The following CLSTN2 variants were observed in gnomAD, a reference collection of about 807,000 sequenced individuals.
CLSTN2 encodes the protein calsyntenin-2.
In CLSTN2, 48 loss-of-function variants were observed where a neutral mutation model predicts 101.2. That is an observed-to-expected ratio of 0.47 (90% CI 0.38 to 0.60). The LOEUF (loss-of-function observed/expected upper bound fraction) is 0.60. Ranked by LOEUF, CLSTN2 falls within the 20% of genes least tolerant of loss-of-function variation. The probability of loss-of-function intolerance (pLI) is 0.00; values close to 1 mark genes in which losing one functional copy is unlikely to be tolerated. For synonymous variants in CLSTN2, 481 were observed against 463.6 expected, an observed-to-expected ratio of 1.04 and a Z score of -0.48; for missense variants, 1,160 against 1,238.2, an observed-to-expected ratio of 0.94 and a Z score of 0.95.
intron 1 of CLSTN2, among the ~76,000 whole-genome samples, chr3:140,095,161 G>A (rs1398784647): frequency 7.9e-5 from 12 of 152,068 alleles, no homozygotes; most frequent in African/African-American, 2.7e-4. Flanking sequence ...CCTCAACACC[G>A]TACCAGAGCT....
intron 1 of CLSTN2, among the ~76,000 whole-genome samples, chr3:140,166,860 C>T (rs2010143171): frequency 6.6e-6 from 1 of 152,146 alleles, no homozygotes; most frequent in Admixed American, 6.5e-5. Context: ...GCTCAGCCTC[C>T]AGATGGGATG....
chr3:140,553,747 C>T (rs1272277288), intron 10 of CLSTN2, among the ~76,000 whole-genome samples: 1 of 152,180 alleles, frequency 6.6e-6, no homozygotes, highest in Non-Finnish European at 1.5e-5. Flanking sequence ...AGAATTGCCA[C>T]ACCTCCCTTC....
chr3:140,065,349 G>T (rs1259835651), intron 1 of CLSTN2, among the ~76,000 whole-genome samples: 1 of 152,192 alleles, frequency 6.6e-6, no homozygotes, highest in Non-Finnish European at 1.5e-5. Flanking sequence ...CAGTCATCTA[G>T]GGAGCCCCTT....
At chr3:139,981,392 A>G (rs1441857876) in intron 1 of CLSTN2, among the ~76,000 whole-genome samples, 1 of 152,234 alleles carries the variant, frequency 6.6e-6, no homozygotes, top group East Asian at 1.9e-4. Flanking sequence ...ATAAAATAGT[A>G]TAAGTATTCT....
intron 2 of CLSTN2, among the ~76,000 whole-genome samples, chr3:140,230,211 C>A (rs1411622692): frequency 6.6e-6 from 1 of 152,084 alleles, no homozygotes; most frequent in Non-Finnish European, 1.5e-5. Context: ...ATGTATGGGA[C>A]ATTACATACT....
In CLSTN2 at chr3:140,419,711, A is replaced by ACG. The variant is rs2088476353; in HGVS notation, c.638-1414_638-1413insCG. 6.1e-5 allele frequency among the ~76,000 whole-genome samples: 4 copies of ACG among 65,254 alleles called. 1 individual carries two copies. In the South Asian group the frequency reaches 1.5e-3, roughly 25 times the overall value. 42.8% of individuals were successfully genotyped at this position (65,254 alleles called of 152,430 possible). Reference sequence around the variant, plus strand: ...TATATACGTATATGAATATGTATATATGTATATATACGTATATACATGTAT... The same window carrying ACG: ...TATATACGTATATGAATATGTATATACGTGTATATATACGTATATACATGTAT... On this transcript the variant is annotated intron_variant, in intron 4 of 16. Transcript: ENST00000458420.
intron 2 of CLSTN2, among the ~76,000 whole-genome samples, chr3:140,285,389 T>G (rs1393711912): frequency 6.6e-6 from 1 of 151,508 alleles, no homozygotes; most frequent in Non-Finnish European, 1.5e-5. Flanking sequence ...CTTAAGGGAG[T>G]GTTATGCCCT....
chr3:140,446,069 G>A (rs1933071236), intron 5 of CLSTN2, among the ~76,000 whole-genome samples: 1 of 152,116 alleles, frequency 6.6e-6, no homozygotes. Context: ...GTGGTACAAA[G>A]CATTTTGTAC....
chr3:140,437,555 A>T (rs2088701077), intron 5 of CLSTN2, among the ~76,000 whole-genome samples: 1 of 152,230 alleles, frequency 6.6e-6, no homozygotes, highest in Admixed American at 6.5e-5. Context: ...AAATGCCAAC[A>T]AAGCACTCCA....
chr3:140,467,874 TTGC>T (rs1162092372), intron 8 of CLSTN2, among the ~76,000 whole-genome samples: 2 of 152,136 alleles, frequency 1.3e-5, no homozygotes, highest in Non-Finnish European at 2.9e-5. Flanking sequence ...ATGGAAATGA[TTGC>T]TGCCACCTTT....
At chr3:140,486,877 C>T (rs995370643) in intron 8 of CLSTN2, among the ~76,000 whole-genome samples, 5 of 152,098 alleles carry the variant, frequency 3.3e-5, no homozygotes, top group Non-Finnish European at 4.4e-5. Context: ...ACAGGATTCT[C>T]GAAAGCCTAG....
intron 8 of CLSTN2, among the ~76,000 whole-genome samples, chr3:140,491,878 A>G (rs1412241378): frequency 6.6e-6 from 1 of 152,188 alleles, no homozygotes; most frequent in Non-Finnish European, 1.5e-5. Flanking sequence ...AAGTGACAGA[A>G]GAGGTATGTG....
chr3:140,341,692 G>A (rs1256116892), intron 2 of CLSTN2, among the ~76,000 whole-genome samples: 1 of 152,128 alleles, frequency 6.6e-6, no homozygotes, highest in Non-Finnish European at 1.5e-5. Context: ...GCTGGTAGTG[G>A]GCCCCCGGGG....
chr3:140,272,159 A>G (rs931930257), intron 2 of CLSTN2, among the ~76,000 whole-genome samples: 3 of 152,166 alleles, frequency 2.0e-5, no homozygotes, highest in Non-Finnish European at 2.9e-5. Flanking sequence ...TCGTGTCTAG[A>G]TTCCTAGAAG....
At chr3:139,995,633 A>G (rs920478677) in intron 1 of CLSTN2, among the ~76,000 whole-genome samples, 3 of 152,132 alleles carry the variant, frequency 2.0e-5, no homozygotes, top group Non-Finnish European at 4.4e-5. Context: ...TGTGTGGAAA[A>G]GGAATTTGAA....
intron 2 of CLSTN2, among the ~76,000 whole-genome samples, chr3:140,183,889 T>C (rs2010447996): frequency 6.6e-6 from 1 of 152,250 alleles, no homozygotes; most frequent in South Asian, 2.1e-4. Context: ...AAGAACACAG[T>C]AGTAATGGTG....
intron 1 of CLSTN2, among the ~76,000 whole-genome samples, chr3:140,171,644 A>G (rs1257944272): frequency 1.1e-5 from 1 of 92,866 alleles, no homozygotes; most frequent in Non-Finnish European, 2.0e-5. Context: ...TATATTATAT[A>G]TAATACGTAT....
chr3:140,434,945 G>A (rs2088671634), intron 5 of CLSTN2, among the ~76,000 whole-genome samples: 1 of 152,004 alleles, frequency 6.6e-6, no homozygotes, highest in Admixed American at 6.5e-5. Context: ...TGGGTACATA[G>A]TAGGTGTATA....
At chr3:140,008,714 C>T (rs1382578954) in intron 1 of CLSTN2, among the ~76,000 whole-genome samples, 5 of 152,220 alleles carry the variant, frequency 3.3e-5, no homozygotes, top group African/African-American at 9.6e-5. Context: ...CAGAGTATTA[C>T]AATTTGACTC....
Sources: allele counts gnomAD v4.1 joint callset (sites outside exome capture counted in the v4.1 genomes callset), GRCh38; gene constraint gnomAD v4.1.1; transcripts MANE v1.5; gene names NCBI Gene and HGNC (gene_info 2026-07-23, HGNC 2026-07-21).